The following NBPF6 variants were observed in gnomAD, a reference collection of about 807,000 sequenced individuals.
NBPF6 encodes the protein NBPF family member NBPF6.
In NBPF6, 2 loss-of-function variants were observed where a neutral mutation model predicts 20.8. The observed-to-expected ratio is 0.10, with a 90% CI of 0.04 to 0.30. The LOEUF (loss-of-function observed/expected upper bound fraction) is 0.30, where lower values mean the gene tolerates loss of function less well. Among genes scored for constraint, NBPF6 ranks in the 10% least tolerant of loss-of-function variants. The pLI is 1.00. For synonymous variants in NBPF6, 24 were observed against 100.0 expected (o/e 0.24, Z 4.53); for missense variants, 85 against 260.3 (o/e 0.33, Z 4.63).
At position 108,470,920 on chromosome 1, in the gene NBPF6, G is replaced by C; in HGVS notation, c.*282G>C. 3.4e-6 allele frequency: 1 copy of C among 298,132 alleles called. No homozygotes were observed. The highest frequency in any genetic ancestry group is 6.9e-5 in the East Asian group (1 of 14,542). 18.5% of individuals were successfully genotyped at this position (298,132 alleles called of 1,614,324 possible). On this transcript the variant is annotated 3_prime_UTR_variant, in exon 15 of 15. Transcript: ENST00000495380. ...CTCAATTCCCATCATGTAGAGAACAGGAGTCCGCAGCTGCTGGCAGGAGAC... is the reference window on the plus strand; with the variant it reads ...CTCAATTCCCATCATGTAGAGAACACGAGTCCGCAGCTGCTGGCAGGAGAC...
Position 108,465,311 on chromosome 1 carries a change from T to C in NBPF6, c.1547T>C (p.Leu516Pro). 8.5e-7 allele frequency: 1 copy of C among 1,174,494 alleles called. No individual in the cohort carries two copies. Among genetic ancestry groups the C allele is most frequent in the Non-Finnish European group, 1.2e-6 (1 of 866,720 alleles). 72.8% of individuals were successfully genotyped at this position (1,174,494 alleles called of 1,614,324 possible). A position where few individuals can be genotyped will look rare whatever the true frequency, so the allele number is the denominator to read the frequency against. ...PSTLVPSCLR[L>P]QLDQGFHCGN... ...ACCCTGGTGCCCAGTTGTCTGCGAC[T>C]ACAGCTGGATCAAGGGTTCCACTGT... Residue 516 changes from leucine (L) to proline (P), a missense_variant, in exon 13 of 15, where the codon CTA becomes CCA. Physicochemically the swap from Leu to Pro is moderately conservative, Grantham distance 98. This residue lies in a region of NBPF6 where 43 missense variants were observed against 97.3 expected (regional missense o/e 0.44). Transcript: ENST00000495380.
chr1:108,438,089 TAAAC>T, the NBPF6 span, among the ~76,000 whole-genome samples: 23 of 63,662 alleles, frequency 3.6e-4, 1 homozygote, highest in African/African-American at 1.5e-3. Flanking sequence ...TTTGAAAAAA[TAAAC>T]AAAATTGACA....
chr1:108,435,843 A>ACCCC, the NBPF6 span, among the ~76,000 whole-genome samples: 1 of 49,952 alleles, frequency 2.0e-5, no homozygotes, highest in Non-Finnish European at 5.0e-5. Flanking sequence ...CCCCCCCCCG[A>ACCCC]AAGATATTGT....
rs1391655107 is a variant in NBPF6, at chr1:108,471,809, G to A, written c.*1171G>A. On this transcript the variant is annotated 3_prime_UTR_variant, in exon 15 of 15. Coordinates refer to ENST00000495380, the MANE Select transcript of NBPF6 (RefSeq NM_001143988.2). ...TTAAATTTTTTTGCCTATCACCCTG[G>A]ACTAGTGAATTTTTCACATACAATG... 3.3e-5 allele frequency among the ~76,000 whole-genome samples: 5 copies of A among 151,938 alleles called. No homozygotes were observed. Among genetic ancestry groups the A allele is most frequent in the Non-Finnish European group, 7.4e-5 (5 of 67,974 alleles).
At chr1:108,448,152 T>G (rs530448975), upstream of NBPF6, among the ~76,000 whole-genome samples, 1,280 of 145,386 alleles carry the variant, frequency 8.8e-3, 91 homozygotes, top group Non-Finnish European at 0.015. Flanking sequence ...GGAAGAGGAC[T>G]GGATCAATCC....
chr1:108,468,961 A>AC (rs1653300700), intron 14 of NBPF6, among the ~76,000 whole-genome samples: 1 of 145,402 alleles, frequency 6.9e-6, no homozygotes, highest in Non-Finnish European at 1.5e-5. Flanking sequence ...GATGAGAAGG[A>AC]CCCCTGGTCT....
intron 14 of NBPF6, among the ~76,000 whole-genome samples, chr1:108,470,185 A>G (rs1315278733): frequency 1.1e-5 from 1 of 90,540 alleles, no homozygotes; most frequent in East Asian, 2.6e-4. Flanking sequence ...AGACTAGGAC[A>G]TGGAGTTGTA....
rs1358080856 is a variant in NBPF6, at chr1:108,452,911, A to C, written c.279-270A>C. On this transcript the variant is annotated intron_variant, in intron 3 of 14. Coordinates refer to ENST00000495380, the MANE Select transcript of NBPF6 (RefSeq NM_001143988.2). ...GAAAAAGATGAGTGGAACATCTGTG[A>C]GGATCTTACAGAAGCACTCTCTCAT... Among the ~76,000 whole-genome samples, 2 of 69,276 alleles carry C rather than the reference A, an allele frequency of 2.9e-5. 1 individual carries two copies. The highest frequency in any genetic ancestry group is 7.0e-5 in the Non-Finnish European group (2 of 28,468). 45.4% of individuals were successfully genotyped at this position (69,276 alleles called of 152,430 possible). A position where few individuals can be genotyped will look rare whatever the true frequency, so the allele number is the denominator to read the frequency against.
chr1:108,447,965 T>G (rs61797098), upstream of NBPF6, among the ~76,000 whole-genome samples: 118,036 of 144,526 alleles, frequency 0.82, 48,302 homozygotes, highest in East Asian at 0.89. Context: ...AGAAAAAATA[T>G]CAAGTCCAGG....
intron 14 of NBPF6, 143 bp downstream of exon 14, chr1:108,467,808 C>T: frequency 2.0e-6 from 2 of 1,023,688 alleles, no homozygotes; most frequent in Non-Finnish European, 2.9e-6. Flanking sequence ...CTCTGTGTCC[C>T]ATGGGCTCCC....
Position 108,470,853 on chromosome 1 carries a change from G to A in NBPF6, c.*215G>A, listed in dbSNP as rs925754582. ...GTGATCAACACCTAGGGAGACCAAT[G>A]CCCAGATGGACAAATAGCATTGACT... On this transcript the variant is annotated 3_prime_UTR_variant, in exon 15 of 15. Transcript: ENST00000495380. 7.0e-6 allele frequency: 3 copies of A among 427,650 alleles called. No individual in the cohort carries two copies. Among genetic ancestry groups the A allele is most frequent in the African/African-American group, 6.2e-5 (3 of 48,138 alleles). The allele number at this position is 427,650 out of a possible 1,614,324, so 26.5% of individuals were successfully genotyped here.
In NBPF6 at chr1:108,465,356, G is replaced by A. The variant is rs546582977; in HGVS notation, c.1592G>A (p.Arg531Gln). 2.9e-3 allele frequency: 3,068 copies of A among 1,070,686 alleles called. 860 individuals are homozygous for A. The African/African-American group carries it at 0.061, about 21-fold the overall frequency. The allele number at this position is 1,070,686 out of a possible 1,614,324, so 66.3% of individuals were successfully genotyped here. A position where few individuals can be genotyped will look rare whatever the true frequency, so the allele number is the denominator to read the frequency against. The change falls in exon 13 of 15, where the codon CGG (arginine) becomes CAG (glutamine). Residue 531 changes from arginine to glutamine, a missense_variant. Transcript: ENST00000495380. ...CACTGTGGGAACGGCTTGGCCCAGCGGGGCCTTTCCTCCACCACCTGCAGC... is the reference window on the plus strand; with the variant it reads ...CACTGTGGGAACGGCTTGGCCCAGCAGGGCCTTTCCTCCACCACCTGCAGC... ...GFHCGNGLAQ[R>Q]GLSSTTCSFS...
chr1:108,447,452 ATCTAT>A (rs1265897046), upstream of NBPF6, among the ~76,000 whole-genome samples: 1 of 144,002 alleles, frequency 6.9e-6, no homozygotes, highest in East Asian at 2.1e-4. Context: ...ACTCTTACAA[ATCTAT>A]TCTAGCAACC....
At position 108,471,400 on chromosome 1, in the gene NBPF6, G is replaced by A. The variant is rs985741179; in HGVS notation, c.*762G>A. On this transcript the variant is annotated 3_prime_UTR_variant, in exon 15 of 15. Coordinates refer to ENST00000495380, the MANE Select transcript of NBPF6 (RefSeq NM_001143988.2). ...GTGAGCTTCCTACCTCAGCCCATCT[G>A]CAGGCAGAGAAGGCCCAGTGTGTCC... Among the ~76,000 whole-genome samples, 2 of 152,204 alleles carry A rather than the reference G, an allele frequency of 1.3e-5. No homozygotes were observed. Among genetic ancestry groups the A allele is most frequent in the African/African-American group, 4.8e-5 (2 of 41,450 alleles).
chr1:108,470,905 A>G lies in NBPF6; in HGVS notation c.*267A>G. The G allele has an allele frequency of 2.9e-6, 1 of 344,492 alleles. No homozygotes were observed. The highest frequency in any genetic ancestry group is 4.4e-5 in the South Asian group (1 of 22,790). The allele number at this position is 344,492 out of a possible 1,614,324, so 21.3% of individuals were successfully genotyped here. ...GCGTTAGCCCTGTTTCTCAATTCCC[A>G]TCATGTAGAGAACAGGAGTCCGCAG... On this transcript the variant is annotated 3_prime_UTR_variant, in exon 15 of 15. Transcript: ENST00000495380.
At chr1:108,467,735 T>C (rs1653219498) in intron 14 of NBPF6, 70 bp downstream of exon 14, 2 of 1,533,144 alleles carry the variant, frequency 1.3e-6, no homozygotes, top group Non-Finnish European at 1.8e-6. Context: ...GCTCATTCTC[T>C]CACTGCTTTT....
the NBPF6 span, among the ~76,000 whole-genome samples, chr1:108,427,128 CATA>C: frequency 1.2e-5 from 1 of 80,918 alleles, no homozygotes; most frequent in Admixed American, 1.1e-4. Context: ...TTTATGTGCA[CATA>C]ATAATATAGC....
Position 108,452,980 on chromosome 1 carries a change from T to TTGTGTG in NBPF6, c.279-177_279-172dup, listed in dbSNP as rs759252996. ...TGTGTGTGTGTGTGTGTATGTTTGT[T>TTGTGTG]TGTGTGTGTGTGTGTGTGTGTGTGT... On this transcript the variant is annotated intron_variant, in intron 3 of 14. Transcript: ENST00000495380. Among the ~76,000 whole-genome samples the TTGTGTG allele has an allele frequency of 2.6e-3, 125 of 47,406 alleles. 13 individuals carry two copies. The highest frequency in any genetic ancestry group is 7.4e-3 in the African/African-American group (101 of 13,702). 31.1% of individuals were successfully genotyped at this position (47,406 alleles called of 152,430 possible). A position where few individuals can be genotyped will look rare whatever the true frequency, so the allele number is the denominator to read the frequency against.
chr1:108,459,671 A>T (rs1369808506), intron 9 of NBPF6, among the ~76,000 whole-genome samples: 3 of 64,538 alleles, frequency 4.6e-5, no homozygotes, highest in Non-Finnish European at 1.0e-4. Context: ...AGAGAGACTC[A>T]GTCTCCTTCC....
Sources: allele counts gnomAD v4.1 joint callset (sites outside exome capture counted in the v4.1 genomes callset), GRCh38; gene constraint gnomAD v4.1.1; regional missense constraint gnomAD v4.1.1; transcripts MANE v1.5; gene names NCBI Gene and HGNC (gene_info 2026-07-23, HGNC 2026-07-21).